The following GRM7 variants were observed in gnomAD, a reference collection of about 807,000 sequenced individuals.
The protein encoded by GRM7 is metabotropic glutamate receptor 7.
GRM7 carries 35 observed loss-of-function variants against 84.5 expected under a neutral mutation model. The ratio of observed to expected loss-of-function variants is 0.41; its 90% CI spans 0.32 to 0.55. The LOEUF is 0.55. Among genes scored for constraint, GRM7 ranks in the 20% least tolerant of loss-of-function variants. GRM7 has a pLI of 0.19. For synonymous variants in GRM7, 487 were observed against 455.1 expected, an observed-to-expected ratio of 1.07 and a Z score of -0.89; for missense variants, 1,003 against 1,194.6, an observed-to-expected ratio of 0.84 and a Z score of 2.36.
intron 1 of GRM7, among the ~76,000 whole-genome samples, chr3:6,925,722 T>G (rs372417368): frequency 6.6e-6 from 1 of 152,184 alleles, no homozygotes; most frequent in African/African-American, 2.4e-5. Context: ...TAGCTATAGC[T>G]GCTATGAAGT....
chr3:7,369,354 G>A (rs886817767), intron 4 of GRM7, among the ~76,000 whole-genome samples: 10 of 152,066 alleles, frequency 6.6e-5, no homozygotes, highest in Non-Finnish European at 1.2e-4. Flanking sequence ...CAGGTCTCAT[G>A]CTGAGTCAGG....
chr3:6,960,916 G>A (rs1693272787), intron 1 of GRM7, among the ~76,000 whole-genome samples: 1 of 152,088 alleles, frequency 6.6e-6, no homozygotes, highest in African/African-American at 2.4e-5. Flanking sequence ...CCAACAAAAT[G>A]TACTATCCTG....
At chr3:7,087,982 T>C (rs1156668691) in intron 1 of GRM7, among the ~76,000 whole-genome samples, 1 of 152,220 alleles carries the variant, frequency 6.6e-6, no homozygotes, top group Admixed American at 6.5e-5. Context: ...GCCTGGGTTT[T>C]CTACTGCTTA....
chr3:7,057,364 T>C (rs1380690149), intron 1 of GRM7, among the ~76,000 whole-genome samples: 1 of 151,960 alleles, frequency 6.6e-6, no homozygotes, highest in Non-Finnish European at 1.5e-5. Context: ...TATTCTAAAT[T>C]AGTAGATACA....
intron 7 of GRM7, among the ~76,000 whole-genome samples, chr3:7,512,079 T>A (rs1181974558): frequency 6.6e-6 from 1 of 151,952 alleles, no homozygotes; most frequent in Non-Finnish European, 1.5e-5. Context: ...CAGGAAGGAA[T>A]TGGAGACTAC....
intron 9 of GRM7, among the ~76,000 whole-genome samples, chr3:7,704,335 T>A (rs915226976): frequency 6.6e-6 from 1 of 152,186 alleles, no homozygotes; most frequent in South Asian, 2.1e-4. Context: ...AAAAGAGTTA[T>A]AAAAAAATTC....
At position 7,141,989 on chromosome 3, in the gene GRM7, G is replaced by C. The variant is rs564683410; in HGVS notation, c.520-4463G>C. ...TATTTTTGTTACTTTGAGGTAGAGC[G>C]ACTTAAACATTATTGTGAGGAAATA... On this transcript the variant is annotated intron_variant, in intron 1 of 9. Transcript: ENST00000357716. 3.3e-5 allele frequency among the ~76,000 whole-genome samples: 5 copies of C among 151,858 alleles called. No individual in the cohort carries two copies. The East Asian group carries it at 9.7e-4, about 30-fold the overall frequency.
chr3:7,591,105 G>A (rs150694690), intron 8 of GRM7, among the ~76,000 whole-genome samples: 143 of 152,280 alleles, frequency 9.4e-4, no homozygotes, highest in Non-Finnish European at 1.8e-3. Flanking sequence ...GTACACTAAT[G>A]TCTGTGAAAA....
At chr3:6,919,987 A>G (rs1697069446) in intron 1 of GRM7, among the ~76,000 whole-genome samples, 2 of 152,120 alleles carry the variant, frequency 1.3e-5, no homozygotes, top group African/African-American at 2.4e-5. Context: ...TGTTTGCCAT[A>G]CAATTTTTAT....
intron 1 of GRM7, among the ~76,000 whole-genome samples, chr3:7,070,321 G>A (rs1276602192): frequency 6.6e-6 from 1 of 151,940 alleles, no homozygotes; most frequent in Non-Finnish European, 1.5e-5. Flanking sequence ...GGTAGCTGAG[G>A]AAAATAAAAA....
intron 7 of GRM7, among the ~76,000 whole-genome samples, chr3:7,570,291 A>G (rs1154373): frequency 0.43 from 65,236 of 151,908 alleles, 14,119 homozygotes; most frequent in South Asian, 0.52. Context: ...CATTAACTCA[A>G]AAGTCCACAG....
chr3:7,545,341 A>G (rs1693094348), intron 7 of GRM7, among the ~76,000 whole-genome samples: 1 of 152,254 alleles, frequency 6.6e-6, no homozygotes, highest in Non-Finnish European at 1.5e-5. Flanking sequence ...AATAAATGAA[A>G]GGAAGAATTA....
intron 1 of GRM7, among the ~76,000 whole-genome samples, chr3:7,089,643 T>A (rs1698593145): frequency 6.6e-6 from 1 of 151,858 alleles, no homozygotes; most frequent in Non-Finnish European, 1.5e-5. Context: ...AACAGTAACA[T>A]GTGAATTGTC....
intron 1 of GRM7, among the ~76,000 whole-genome samples, chr3:6,951,908 C>G (rs1233706416): frequency 1.3e-5 from 2 of 152,090 alleles, no homozygotes; most frequent in African/African-American, 4.8e-5. Context: ...CTATTATGTC[C>G]TCTTGATAAA....
chr3:7,393,328 CTG>C (rs759249839), intron 4 of GRM7, among the ~76,000 whole-genome samples: 1 of 152,164 alleles, frequency 6.6e-6, no homozygotes, highest in Non-Finnish European at 1.5e-5. Context: ...AGCATCATCT[CTG>C]TGTGAGCTTC....
chr3:7,251,700 G>A (rs1411041569), intron 2 of GRM7, among the ~76,000 whole-genome samples: 2 of 152,144 alleles, frequency 1.3e-5, no homozygotes, highest in Non-Finnish European at 2.9e-5. Flanking sequence ...AGTCAGTTCA[G>A]TTCCAAGATA....
intron 1 of GRM7, among the ~76,000 whole-genome samples, chr3:6,921,693 G>T (rs1455329148): frequency 1.3e-5 from 2 of 152,086 alleles, no homozygotes; most frequent in East Asian, 1.9e-4. Flanking sequence ...CCTCCGAAAT[G>T]GGTGTTGAAG....
chr3:7,594,430 C>G (rs1695942063), intron 8 of GRM7, among the ~76,000 whole-genome samples: 1 of 152,104 alleles, frequency 6.6e-6, no homozygotes, highest in East Asian at 1.9e-4. Flanking sequence ...TGCCAGTCTG[C>G]TAGGTACTAG....
chr3:7,572,614 T>C (rs1366299122), intron 7 of GRM7, among the ~76,000 whole-genome samples: 1 of 150,834 alleles, frequency 6.6e-6, no homozygotes, highest in Non-Finnish European at 1.5e-5. Context: ...GGTCAGGAGA[T>C]CGAGATTATC....
Sources: gnomAD v4.1 joint callset for allele counts (sites outside exome capture counted in the v4.1 genomes callset) on GRCh38, gnomAD v4.1.1 for gene constraint, MANE v1.5 for transcripts, NCBI Gene and HGNC (gene_info 2026-07-23, HGNC 2026-07-21) for gene names.